CAMSAP1: variants seen among roughly 807,000 people sequenced by gnomAD.
CAMSAP1 encodes calmodulin regulated spectrin associated protein 1.
A neutral mutation model predicts 143.5 loss-of-function variants in CAMSAP1; 58 were observed. The observed-to-expected ratio is 0.40, with a 90% CI of 0.33 to 0.50. The LOEUF (loss-of-function observed/expected upper bound fraction) is 0.50. Ranked by LOEUF, CAMSAP1 falls within the 20% of genes least tolerant of loss-of-function variation. The pLI, the probability that CAMSAP1 is intolerant of heterozygous loss-of-function variation, is 0.45. For missense variants in CAMSAP1, 1,969 were observed against 2,115.7 expected (o/e 0.93, Z 1.36); for synonymous variants, 945 against 859.3 (o/e 1.10, Z -1.74).
intron 7 of CAMSAP1, among the ~76,000 whole-genome samples, chr9:135,835,890 G>A (rs375712182): frequency 5.9e-5 from 9 of 152,214 alleles, no homozygotes; most frequent in African/African-American, 2.2e-4. Flanking sequence ...TGAGGCAGGA[G>A]AATCACTTGA....
chr9:135,868,641 G>A lies in CAMSAP1; in HGVS notation c.586-2105C>T, dbSNP rs1448371866. Among the ~76,000 whole-genome samples, 7 of 84,592 alleles carry A rather than the reference G, an allele frequency of 8.3e-5. No individual in the cohort carries two copies. The South Asian group carries it at 2.8e-3, about 34-fold the overall frequency. The allele number at this position is 84,592 out of a possible 152,430, so 55.5% of individuals were successfully genotyped here. On this transcript the variant is annotated intron_variant, in intron 3 of 16. Coordinates refer to ENST00000389532, the MANE Select transcript of CAMSAP1 (RefSeq NM_015447.4). ...TTTTTTTTTTTTTTTTTTTTGAGAT[G>A]GTGTCTTGCTCTGTCGCCCAGGCTG...
chr9:135,894,911 A>G (rs1420378998), intron 1 of CAMSAP1, among the ~76,000 whole-genome samples: 3 of 152,230 alleles, frequency 2.0e-5, no homozygotes, highest in East Asian at 3.9e-4. Context: ...AAATTAGAAA[A>G]TTCTGGTAAT....
intron 3 of CAMSAP1, among the ~76,000 whole-genome samples, chr9:135,870,494 A>G (rs1837535047): frequency 6.6e-6 from 1 of 152,184 alleles, no homozygotes; most frequent in Non-Finnish European, 1.5e-5. Context: ...TTATGAATAT[A>G]TTAAAAACTA....
intron 7 of CAMSAP1, among the ~76,000 whole-genome samples, chr9:135,828,550 G>A (rs911353303): frequency 6.6e-6 from 1 of 152,206 alleles, no homozygotes; most frequent in Admixed American, 6.5e-5. Context: ...CAAGGCCAAG[G>A]TGAGGCCCTA....
intron 5 of CAMSAP1, among the ~76,000 whole-genome samples, chr9:135,859,782 A>G (rs1837112225): frequency 6.6e-6 from 1 of 152,156 alleles, no homozygotes; most frequent in South Asian, 2.1e-4. Flanking sequence ...AACTGTTCAC[A>G]TGATCATAAT....
intron 16 of CAMSAP1, among the ~76,000 whole-genome samples, chr9:135,812,222 T>A (rs1023419929): frequency 3.3e-5 from 5 of 152,066 alleles, no homozygotes; most frequent in Non-Finnish European, 7.4e-5. Context: ...AGCATGCACA[T>A]CTGTTCCCTA....
chr9:135,821,124 T>G lies in CAMSAP1; in HGVS notation c.3537A>C (p.Thr1179=). 6.2e-7 allele frequency: 1 copy of G among 1,613,488 alleles called. No individual in the cohort carries two copies. The highest frequency in any genetic ancestry group is 8.5e-7 in the Non-Finnish European group (1 of 1,179,896). The part of the protein sequence containing the change: ...YRLHDESNQR[T]LTLSSSKDAN... Reference sequence around the variant, plus strand: ...CATCTTTGGAAGAGGACAGAGTAAGTGTCCGCTGATTGCTTTCATCATGGA... The same window carrying G: ...CATCTTTGGAAGAGGACAGAGTAAGGGTCCGCTGATTGCTTTCATCATGGA... The change falls in exon 11 of 17, where the codon ACA becomes ACC. Residue 1179 remains threonine, a synonymous_variant. Transcript: ENST00000389532. The surrounding 1 kb of genome is among the most constrained non-coding windows in gnomAD (Gnocchi z 4.6).
At chr9:135,848,177 T>C (rs938927974) in intron 7 of CAMSAP1, among the ~76,000 whole-genome samples, 5 of 151,692 alleles carry the variant, frequency 3.3e-5, no homozygotes, top group African/African-American at 7.3e-5. Context: ...GGCTGTAAGA[T>C]GGAATAGTTA....
chr9:135,902,857 G>A (rs1265473040), intron 1 of CAMSAP1, among the ~76,000 whole-genome samples: 1 of 152,226 alleles, frequency 6.6e-6, no homozygotes, highest in Non-Finnish European at 1.5e-5. Context: ...CTGTCAGTAA[G>A]GAGAGGGGAT....
In CAMSAP1 at chr9:135,809,326, A is replaced by T. The variant is rs1834958260; in HGVS notation, c.*1983T>A. The T allele has an allele frequency of 6.6e-6, 1 of 152,202 alleles. No individual in the cohort carries two copies. Among genetic ancestry groups the T allele is most frequent in the Non-Finnish European group, 1.5e-5 (1 of 68,040 alleles). 9.4% of individuals were successfully genotyped at this position (152,202 alleles called of 1,614,324 possible). A position where few individuals can be genotyped will look rare whatever the true frequency, so the allele number is the denominator to read the frequency against. ...AACGAACAGTGAAAACTACACGCTTAAGGACAAGTTTCAGGATGTTCCACA... is the reference window on the plus strand; with the variant it reads ...AACGAACAGTGAAAACTACACGCTTTAGGACAAGTTTCAGGATGTTCCACA... On this transcript the variant is annotated 3_prime_UTR_variant, in exon 17 of 17. Transcript: ENST00000389532.
intron 5 of CAMSAP1, among the ~76,000 whole-genome samples, chr9:135,852,137 G>T (rs998611733): frequency 6.6e-6 from 1 of 152,194 alleles, no homozygotes; most frequent in Non-Finnish European, 1.5e-5. Flanking sequence ...TGGTCATGAA[G>T]GGTCCTCTCC....
At chr9:135,900,595 C>G (rs1838586472) in intron 1 of CAMSAP1, among the ~76,000 whole-genome samples, 1 of 151,332 alleles carries the variant, frequency 6.6e-6, no homozygotes, top group Non-Finnish European at 1.5e-5. Context: ...CTCAGGAGGC[C>G]GAGGCAGGAG....
intron 1 of CAMSAP1, among the ~76,000 whole-genome samples, chr9:135,884,356 CCT>C (rs1397213852): frequency 1.3e-5 from 2 of 152,086 alleles, no homozygotes; most frequent in Non-Finnish European, 2.9e-5. Flanking sequence ...CCACAGCACC[CCT>C]CTCTCTCTGC....
intron 1 of CAMSAP1, among the ~76,000 whole-genome samples, chr9:135,895,349 G>A (rs960574801): frequency 6.6e-6 from 1 of 152,178 alleles, no homozygotes; most frequent in African/African-American, 2.4e-5. Context: ...AAGGGGAATG[G>A]TACGATACAT....
intron 1 of CAMSAP1, among the ~76,000 whole-genome samples, chr9:135,897,244 C>A (rs541986089): frequency 2.0e-4 from 30 of 152,106 alleles, no homozygotes; most frequent in South Asian, 6.2e-4. Context: ...AATCTCAAAT[C>A]CCAACTCAAA....
At chr9:135,878,108 G>A (rs1047530584) in intron 3 of CAMSAP1, among the ~76,000 whole-genome samples, 1 of 152,214 alleles carries the variant, frequency 6.6e-6, no homozygotes, top group African/African-American at 2.4e-5. Flanking sequence ...AGCTGTCTCA[G>A]AAATGGTCCC....
rs1835608906 is a variant in CAMSAP1, at chr9:135,824,693, C to T, written c.1315+96G>A. On this transcript the variant is annotated intron_variant, in intron 9 of 16. Coordinates refer to ENST00000389532, the MANE Select transcript of CAMSAP1 (RefSeq NM_015447.4). This position sits in a 1 kb window ranked among gnomAD's most constrained non-coding sequence, Gnocchi z 4.1. Reference sequence around the variant, plus strand: ...AACAAACAAACAAACAAAAAAATCACTACATCAGATAAAATGATTTAATTT... The same window carrying T: ...AACAAACAAACAAACAAAAAAATCATTACATCAGATAAAATGATTTAATTT... 1.1e-6 allele frequency: 1 copy of T among 943,552 alleles called. No homozygotes were observed. Among genetic ancestry groups the T allele is most frequent in the Non-Finnish European group, 1.6e-6 (1 of 644,374 alleles). 58.4% of individuals were successfully genotyped at this position (943,552 alleles called of 1,614,324 possible). A position where few individuals can be genotyped will look rare whatever the true frequency, so the allele number is the denominator to read the frequency against.
intron 7 of CAMSAP1, among the ~76,000 whole-genome samples, chr9:135,847,063 A>G (rs1836581260): frequency 6.6e-6 from 1 of 152,114 alleles, no homozygotes; most frequent in Non-Finnish European, 1.5e-5. Flanking sequence ...TCATCCTACT[A>G]TAGGCCGGGC....
rs111922783 is a variant in CAMSAP1 at position 135,892,747 on chromosome 9, A to G, written c.161-9669T>C. Reference sequence around the variant, plus strand: ...GCGCCTGTAATCCCAGCTATTCGGGAGGCTGAGGCAGGAGAATCTCTTGAA... The same window carrying G: ...GCGCCTGTAATCCCAGCTATTCGGGGGGCTGAGGCAGGAGAATCTCTTGAA... On this transcript the variant is annotated intron_variant, in intron 1 of 16. Coordinates refer to ENST00000389532, the MANE Select transcript of CAMSAP1 (RefSeq NM_015447.4). 1.9e-3 allele frequency among the ~76,000 whole-genome samples: 282 copies of G among 149,202 alleles called. 2 individuals are homozygous for G. Among genetic ancestry groups the G allele is most frequent in the African/African-American group, 6.7e-3 (271 of 40,578 alleles).
Sources: gnomAD v4.1 joint callset for allele counts (sites outside exome capture counted in the v4.1 genomes callset) on GRCh38, gnomAD v4.1.1 for gene constraint, Gnocchi (gnomAD v3.1) non-coding constraint, MANE v1.5 for transcripts, NCBI Gene and HGNC (gene_info 2026-07-23, HGNC 2026-07-21) for gene names.